Variants in ORC3 observed in about 807,000 individuals in gnomAD.
ORC3 encodes homolog of latheo, Drosophila.
In ORC3, 78 loss-of-function variants were observed where a neutral mutation model predicts 100.7. The observed-to-expected ratio is 0.77, with a 90% CI of 0.65 to 0.94. The LOEUF is 0.94. Ranked by LOEUF, ORC3 falls within the 40% of genes least tolerant of loss-of-function variation. The pLI is 0.00. For missense variants in ORC3, 789 were observed against 823.9 expected (o/e 0.96, Z 0.52); for synonymous variants, 295 against 289.3 (o/e 1.02, Z -0.20).
chr6:87,598,658 CTT>C (rs559954997), intron 2 of ORC3, among the ~76,000 whole-genome samples: 8 of 130,456 alleles, frequency 6.1e-5, no homozygotes, highest in Admixed American at 1.5e-4. Flanking sequence ...GTTTGCTAGG[CTT>C]TTTTTTTTTT....
chr6:87,677,216 T>C, the ORC3 span, among the ~76,000 whole-genome samples: 2 of 152,062 alleles, frequency 1.3e-5, no homozygotes, highest in African/African-American at 2.4e-5. Context: ...AACAAAACAC[T>C]ACCTAAAACC....
chr6:87,613,010 G>A (rs907217302), intron 8 of ORC3, among the ~76,000 whole-genome samples: 3 of 152,130 alleles, frequency 2.0e-5, no homozygotes, highest in Admixed American at 6.5e-5. Flanking sequence ...CATTTTCCTA[G>A]ACCTTAGCAA....
At chr6:87,636,722 TC>T (rs766277568) in intron 13 of ORC3, among the ~76,000 whole-genome samples, 4 of 152,222 alleles carry the variant, frequency 2.6e-5, no homozygotes, top group South Asian at 4.1e-4. Flanking sequence ...TAAAGGAAAA[TC>T]CATGATTGTT....
intron 4 of ORC3, among the ~76,000 whole-genome samples, chr6:87,604,676 C>G (rs536339073): frequency 7.9e-5 from 12 of 152,146 alleles, no homozygotes; most frequent in Non-Finnish European, 1.5e-4. Context: ...TAGCTTATAG[C>G]CAGTCAGTGA....
downstream of ORC3, among the ~76,000 whole-genome samples, chr6:87,667,756 A>G (rs1770742014): frequency 1.3e-5 from 2 of 152,114 alleles, no homozygotes; most frequent in Admixed American, 6.5e-5. Context: ...GTGAAACCCC[A>G]TCTCTCCTAA....
rs181257707 is a variant in ORC3, at chr6:87,659,794, A to G, written c.1691+1776A>G. Among the ~76,000 whole-genome samples the G allele has an allele frequency of 1.6e-4, 24 of 152,172 alleles. No homozygotes were observed. The East Asian group carries it at 3.5e-3, about 22-fold the overall frequency. ...CTACTTGGGAGGCTGAGGGAGGAGA[A>G]TGGCTTGAACCCGGGAGGCAGAGGT... On this transcript the variant is annotated intron_variant, in intron 16 of 19. Transcript: ENST00000392844.
At chr6:87,615,950 G>GA (rs540638860) in intron 8 of ORC3, among the ~76,000 whole-genome samples, 181 of 151,466 alleles carry the variant, frequency 1.2e-3, no homozygotes, top group African/African-American at 4.1e-3. Context: ...CAGTAGTAAT[G>GA]AAAAAAATCT....
Position 87,594,337 on chromosome 6 carries a change from GTCTT to G in ORC3, c.25-10_25-7del, listed in dbSNP as rs1430434902. ...TGGCTACTTTGACTTTATGCTTTTC[GTCTT>G]TCTTTTTATAGGGTTGCTTTGTTTT... On this transcript the variant is annotated splice_polypyrimidine_tract_variant and intron_variant, in intron 1 of 19. Transcript: ENST00000392844. 2.6e-6 allele frequency: 4 copies of G among 1,561,542 alleles called. No individual in the cohort carries two copies. The highest frequency in any genetic ancestry group is 2.7e-5 in the African/African-American group (2 of 73,628).
chr6:87,666,911 A>G, intron 19 of ORC3, 107 bp from the exon 20 acceptor site: 2 of 624,502 alleles, frequency 3.2e-6, no homozygotes, highest in Middle Eastern at 2.6e-4. Flanking sequence ...AGGAGTTTAT[A>G]TCTGAACTAT....
At chr6:87,590,539 A>C (rs1776737650) in intron 1 of ORC3, among the ~76,000 whole-genome samples, 2 of 152,344 alleles carry the variant, frequency 1.3e-5, no homozygotes, top group South Asian at 4.1e-4. Flanking sequence ...AAACAGATTC[A>C]GTTTCTGCAG....
intron 13 of ORC3, among the ~76,000 whole-genome samples, chr6:87,645,703 A>T (rs1306620440): frequency 6.6e-6 from 1 of 152,204 alleles, no homozygotes; most frequent in Non-Finnish European, 1.5e-5. Context: ...CAGTTCTTAT[A>T]ATCAGACATT....
At chr6:87,596,518 G>T (rs1286801910) in intron 2 of ORC3, among the ~76,000 whole-genome samples, 1 of 151,786 alleles carries the variant, frequency 6.6e-6, no homozygotes, top group Non-Finnish European at 1.5e-5. Flanking sequence ...GGATGAAGTA[G>T]GGGGAATTAA....
chr6:87,664,904 C>A, intron 18 of ORC3, 45 bp downstream of exon 18: 3 of 1,154,310 alleles, frequency 2.6e-6, no homozygotes, highest in Non-Finnish European at 3.8e-6. Context: ...TTCTAACCAT[C>A]CATGATGACT....
intron 11 of ORC3, among the ~76,000 whole-genome samples, chr6:87,627,431 G>A (rs933542203): frequency 6.6e-6 from 1 of 150,746 alleles, no homozygotes; most frequent in African/African-American, 2.4e-5. Context: ...TCGTAGCTGG[G>A]ATTAGAGGCA....
At chr6:87,594,666 G>C in intron 2 of ORC3, 3 of 705,012 alleles carry the variant, frequency 4.3e-6, no homozygotes, top group Non-Finnish European at 5.6e-6. Flanking sequence ...CTTTAAAAGA[G>C]ATTGTCTTTT....
chr6:87,644,079 CTTTTTTTTTTTTT>C lies in ORC3; in HGVS notation c.1382+7612_1382+7624del, dbSNP rs1156943778. ...CCACAGATACAGATGGCTGACTGTC[CTTTTTTTTTTTTT>C]TTTTTTTTTTTTTTTTTTGAGACGG... On this transcript the variant is annotated intron_variant, in intron 13 of 19. Transcript: ENST00000392844. Among the ~76,000 whole-genome samples, 393 of 51,430 alleles carry C rather than the reference CTTTTTTTTTTTTT, an allele frequency of 7.6e-3. 1 individual carries two copies. Among genetic ancestry groups the C allele is most frequent in the African/African-American group, 0.033 (352 of 10,524 alleles). 33.7% of individuals were successfully genotyped at this position (51,430 alleles called of 152,430 possible).
At chr6:87,632,605 G>C (rs1767513258) in intron 11 of ORC3, among the ~76,000 whole-genome samples, 1 of 152,116 alleles carries the variant, frequency 6.6e-6, no homozygotes, top group Admixed American at 6.6e-5. Context: ...GCTCACACCT[G>C]TAATCCCAGC....
At chr6:87,638,777 T>C (rs1046506469) in intron 13 of ORC3, among the ~76,000 whole-genome samples, 1 of 152,164 alleles carries the variant, frequency 6.6e-6, no homozygotes, top group Non-Finnish European at 1.5e-5. Context: ...AACACTGATA[T>C]GGGTATTACT....
chr6:87,658,068 A>C (rs375400880), intron 16 of ORC3, 50 bp downstream of exon 16: 25 of 969,272 alleles, frequency 2.6e-5, no homozygotes, highest in Non-Finnish European at 3.8e-5. Flanking sequence ...TGTTTTTCCA[A>C]ATAACACTGG....
Sources: gnomAD v4.1 joint callset for allele counts (sites outside exome capture counted in the v4.1 genomes callset) on GRCh38, gnomAD v4.1.1 for gene constraint, MANE v1.5 for transcripts, NCBI Gene and HGNC (gene_info 2026-07-23, HGNC 2026-07-21) for gene names.